MGAT5B: variants seen among roughly 807,000 people sequenced by gnomAD.
The protein encoded by MGAT5B is alpha-1,6-mannosylglycoprotein 6-beta-N-acetylglucosaminyltransferase B.
MGAT5B carries 54 observed loss-of-function variants against 95.1 expected under a neutral mutation model. That is an observed-to-expected ratio of 0.57 (90% CI 0.46 to 0.71). MGAT5B has a LOEUF of 0.71. MGAT5B is among the 30% of genes least tolerant of loss of function. MGAT5B has a pLI of 0.00. For synonymous variants in MGAT5B, 464 were observed against 451.0 expected (o/e 1.03, Z -0.36); for missense variants, 935 against 1,088.6 (o/e 0.86, Z 1.99).
intron 3 of MGAT5B, among the ~76,000 whole-genome samples, chr17:76,885,823 A>AC (rs1967609358): frequency 6.6e-6 from 1 of 152,124 alleles, no homozygotes; most frequent in South Asian, 2.1e-4. Context: ...CGCACCCTGA[A>AC]CCTGACTCCA....
intron 8 of MGAT5B, among the ~76,000 whole-genome samples, chr17:76,910,227 A>C (rs12452917): frequency 0.49 from 74,431 of 152,066 alleles, 20,426 homozygotes; most frequent in East Asian, 0.9. Flanking sequence ...CACTTAAGAG[A>C]CAAGGTGTGG....
intron 13 of MGAT5B, among the ~76,000 whole-genome samples, chr17:76,939,200 T>C (rs1432695485): frequency 6.6e-6 from 1 of 151,746 alleles, no homozygotes; most frequent in African/African-American, 2.4e-5. Context: ...CACAAGTTAC[T>C]TAAAAAATAA....
At chr17:76,921,828 C>A (rs1699373422) in intron 8 of MGAT5B, among the ~76,000 whole-genome samples, 1 of 152,112 alleles carries the variant, frequency 6.6e-6, no homozygotes, top group South Asian at 2.1e-4. Flanking sequence ...GGCTGTGTAA[C>A]CTTGGGTAAG....
At chr17:76,876,122 C>T (rs962850082) in intron 2 of MGAT5B, among the ~76,000 whole-genome samples, 5 of 152,092 alleles carry the variant, frequency 3.3e-5, no homozygotes, top group Non-Finnish European at 5.9e-5. Flanking sequence ...GGACTCAGGC[C>T]GGGAAAGCAG....
At chr17:76,896,605 A>G (rs1198329729) in intron 3 of MGAT5B, among the ~76,000 whole-genome samples, 2 of 152,160 alleles carry the variant, frequency 1.3e-5, no homozygotes, top group East Asian at 3.8e-4. Flanking sequence ...CAATAACTCC[A>G]TTACTCAGAT....
At chr17:76,934,712 G>A (rs557916969) in intron 12 of MGAT5B, among the ~76,000 whole-genome samples, 45 of 152,328 alleles carry the variant, frequency 3.0e-4, no homozygotes, top group Admixed American at 2.7e-3. Context: ...AAAGAGAAAC[G>A]TTTTATCTCT....
chr17:76,944,848 T>C (rs573202686), intron 15 of MGAT5B, among the ~76,000 whole-genome samples: 1 of 152,306 alleles, frequency 6.6e-6, no homozygotes, highest in South Asian at 2.1e-4. Context: ...AGTTGGACTT[T>C]CTAGCACCAC....
rs1968869542 is a variant in MGAT5B, at chr17:76,914,804, A to AT, written c.1025+8622dup. 6.6e-6 allele frequency among the ~76,000 whole-genome samples: 1 copy of AT among 152,024 alleles called. No homozygotes were observed. The highest frequency in any genetic ancestry group is 1.5e-5 in the Non-Finnish European group (1 of 68,016). The stretch of plus-strand genomic sequence containing the variant: ...AGGAATGTGCCACCATGCCCAGCTA[A>AT]TTTTTGTATTTTTAGTAGAGACAGG... On this transcript the variant is annotated intron_variant, in intron 8 of 17. Coordinates refer to ENST00000569840, the MANE Select transcript of MGAT5B (RefSeq NM_001199172.2). The surrounding 1 kb of genome is among the most constrained non-coding windows in gnomAD (Gnocchi z 5.1).
In MGAT5B at chr17:76,894,981, G is replaced by A. The variant is rs189026368; in HGVS notation, c.330-7574G>A. 1.8e-3 allele frequency among the ~76,000 whole-genome samples: 281 copies of A among 152,236 alleles called. 1 individual carries two copies. The highest frequency in any genetic ancestry group is 4.6e-3 in the African/African-American group (191 of 41,542). On this transcript the variant is annotated intron_variant, in intron 3 of 17. Transcript: ENST00000569840. ...TGTCCCCAACCCCCTGGCATGGACC[G>A]GTACCGCTCCATGGTCTGTTAGGAA...
In MGAT5B at chr17:76,905,032, A is replaced by T; in HGVS notation, c.691-137A>T. 1 of 907,180 alleles carries T rather than the reference A, an allele frequency of 1.1e-6. No homozygotes were observed. The highest frequency in any genetic ancestry group is 1.6e-6 in the Non-Finnish European group (1 of 626,962). The allele number at this position is 907,180 out of a possible 1,614,324, so 56.2% of individuals were successfully genotyped here. A position where few individuals can be genotyped will look rare whatever the true frequency, so the allele number is the denominator to read the frequency against. The stretch of plus-strand genomic sequence containing the variant: ...GGCTCCCTGGTTTTGGGGGCTAATG[A>T]GCCCCTTAGAAAGTGCAGGAGAAGC... On this transcript the variant is annotated intron_variant, in intron 6 of 17. Coordinates refer to ENST00000569840, the MANE Select transcript of MGAT5B (RefSeq NM_001199172.2). The surrounding 1 kb of genome is among the most constrained non-coding windows in gnomAD (Gnocchi z 4.2).
intron 13 of MGAT5B, among the ~76,000 whole-genome samples, chr17:76,939,911 C>T (rs1969809248): frequency 6.6e-6 from 1 of 152,052 alleles, no homozygotes; most frequent in Non-Finnish European, 1.5e-5. Flanking sequence ...CTTTCTTTAT[C>T]CAAGCCACCG....
Position 76,940,903 on chromosome 17 carries a change from C to A in MGAT5B, c.1848+55C>A. The A allele has an allele frequency of 2.1e-6, 3 of 1,450,658 alleles. No homozygotes were observed. In the South Asian group the frequency reaches 3.5e-5, roughly 17 times the overall value. 89.9% of individuals were successfully genotyped at this position (1,450,658 alleles called of 1,614,324 possible). On this transcript the variant is annotated intron_variant, in intron 15 of 17. Transcript: ENST00000569840. The surrounding 1 kb of genome is among the most constrained non-coding windows in gnomAD (Gnocchi z 4.3). ...CCCACTAGTCCACACTGCTGGTCTT[C>A]ACTCTGATTAGAAAACGGTGCCCCC... is the stretch of plus-strand genomic sequence containing the variant.
At chr17:76,925,783 C>G (rs567471947) in intron 9 of MGAT5B, among the ~76,000 whole-genome samples, 1 of 152,318 alleles carries the variant, frequency 6.6e-6, no homozygotes, top group Admixed American at 6.5e-5. Flanking sequence ...AATTCTGGGT[C>G]ACCAGGAAGG....
intron 3 of MGAT5B, among the ~76,000 whole-genome samples, chr17:76,901,038 C>T (rs1485299414): frequency 1.3e-5 from 2 of 152,190 alleles, no homozygotes; most frequent in Admixed American, 6.5e-5. Context: ...CTTTTGTCCC[C>T]TCCACTTCGG....
intron 3 of MGAT5B, among the ~76,000 whole-genome samples, chr17:76,892,299 C>A (rs584291): frequency 2.0e-5 from 3 of 152,196 alleles, no homozygotes; most frequent in Non-Finnish European, 4.4e-5. Flanking sequence ...CCGCCCGCCC[C>A]GGCCTCCCAA....
intron 8 of MGAT5B, chr17:76,913,978 G>A (rs986318014): frequency 1.1e-5 from 4 of 353,164 alleles, no homozygotes; most frequent in Middle Eastern, 9.7e-4. Context: ...AAGTGCGCCT[G>A]TGGTCCCAGC....
chr17:76,937,845 T>C, intron 12 of MGAT5B, 143 bp from the exon 13 acceptor site: 1 of 915,526 alleles, frequency 1.1e-6, no homozygotes, highest in South Asian at 1.7e-5. Flanking sequence ...GGGCGGGGCC[T>C]TTCCCAGTGT....
At chr17:76,920,556 C>T (rs1174261538) in intron 8 of MGAT5B, among the ~76,000 whole-genome samples, 1 of 152,198 alleles carries the variant, frequency 6.6e-6, no homozygotes, top group Non-Finnish European at 1.5e-5. Context: ...GGGGGTGAGG[C>T]TCAGATTTCT....
intron 3 of MGAT5B, chr17:76,882,551 G>C: frequency 2.4e-6 from 1 of 408,180 alleles, no homozygotes; most frequent in Non-Finnish European, 4.3e-6. Flanking sequence ...CTTCTCCCTA[G>C]AGACAAGTGC....
Sources: allele counts gnomAD v4.1 joint callset (sites outside exome capture counted in the v4.1 genomes callset), GRCh38; gene constraint gnomAD v4.1.1; non-coding constraint Gnocchi (gnomAD v3.1); transcripts MANE v1.5; gene names NCBI Gene and HGNC (gene_info 2026-07-23, HGNC 2026-07-21).